The following ARMC8 variants were observed in gnomAD, a reference collection of about 807,000 sequenced individuals.
ARMC8 encodes the protein armadillo repeat containing 8.
A neutral mutation model predicts 99.3 loss-of-function variants in ARMC8; 20 were observed. The observed-to-expected ratio is 0.20, with a 90% confidence interval of 0.14 to 0.29. ARMC8 has a LOEUF of 0.29. Among genes scored for constraint, ARMC8 ranks in the 10% least tolerant of loss-of-function variants. The pLI, the probability that ARMC8 is intolerant of heterozygous loss-of-function variation, is 1.00. For missense variants in ARMC8, 569 were observed against 809.5 expected, an observed-to-expected ratio of 0.70 and a Z score of 3.60; for synonymous variants, 263 against 278.3, an observed-to-expected ratio of 0.95 and a Z score of 0.55.
chr3:138,234,282 T>C (rs376137348), intron 6 of ARMC8, among the ~76,000 whole-genome samples: 2 of 152,114 alleles, frequency 1.3e-5, no homozygotes, highest in South Asian at 2.1e-4. Context: ...TAGCTAATTT[T>C]TGTATTTTTA....
At chr3:138,215,464 C>T (rs1165367106) in intron 2 of ARMC8, among the ~76,000 whole-genome samples, 1 of 152,172 alleles carries the variant, frequency 6.6e-6, no homozygotes, top group Non-Finnish European at 1.5e-5. Context: ...GATCCACCCG[C>T]CTCGGCCTCC....
chr3:138,218,529 C>T (rs761954555), intron 2 of ARMC8, among the ~76,000 whole-genome samples: 15 of 152,160 alleles, frequency 9.9e-5, no homozygotes, highest in Non-Finnish European at 1.5e-4. Context: ...TTTGTCCTCC[C>T]ATCTGCTTAT....
intron 7 of ARMC8, among the ~76,000 whole-genome samples, chr3:138,236,038 C>G (rs550273525): frequency 6.6e-6 from 1 of 152,078 alleles, no homozygotes; most frequent in South Asian, 2.1e-4. Context: ...GATCTCCTGA[C>G]CTTGTGATCC....
chr3:138,269,073 A>C (rs1052274477), intron 15 of ARMC8, among the ~76,000 whole-genome samples: 3 of 152,230 alleles, frequency 2.0e-5, no homozygotes, highest in Non-Finnish European at 4.4e-5. Context: ...TTAGGTACAT[A>C]GTACGAGAGA....
intron 21 of ARMC8, among the ~76,000 whole-genome samples, chr3:138,295,032 G>A (rs1230104986): frequency 6.6e-6 from 1 of 151,914 alleles, no homozygotes; most frequent in Non-Finnish European, 1.5e-5. Flanking sequence ...CGAAGTGGTT[G>A]GGATTACAGG....
chr3:138,195,829 C>A (rs2043698313), intron 1 of ARMC8, among the ~76,000 whole-genome samples: 1 of 151,506 alleles, frequency 6.6e-6, no homozygotes, highest in South Asian at 2.1e-4. Context: ...ACAGAAATAG[C>A]CCCCTGCCCC....
At chr3:138,280,363 G>A (rs1231844367) in intron 18 of ARMC8, among the ~76,000 whole-genome samples, 1 of 151,858 alleles carries the variant, frequency 6.6e-6, no homozygotes, top group Non-Finnish European at 1.5e-5. Context: ...TGTTGCCCAG[G>A]CTGGAGTGCA....
intron 14 of ARMC8, 118 bp from the exon 15 acceptor site, chr3:138,267,037 A>G (rs909372341): frequency 3.3e-6 from 2 of 608,856 alleles, no homozygotes; most frequent in East Asian, 3.0e-5. Flanking sequence ...TATCTCTCCA[A>G]TACGAAGAAT....
At position 138,263,789 on chromosome 3, in the gene ARMC8, G is replaced by C. The variant is rs778113002; in HGVS notation, c.1185G>C (p.Glu395Asp). The C allele has an allele frequency of 2.5e-6, 4 of 1,614,014 alleles. No homozygotes were observed. Among genetic ancestry groups the C allele is most frequent in the Non-Finnish European group, 3.4e-6 (4 of 1,179,864 alleles). Residue 395 changes from glutamate (E) to aspartate (D), a missense_variant, in exon 13 of 22, where the codon GAG (glutamate) becomes GAC (aspartate). Coordinates refer to ENST00000469044, the MANE Select transcript of ARMC8 (RefSeq NM_001363941.2). ...MMDRIVTGLSESSVKVRLAAV... is the reference protein window; with the variant it reads ...MMDRIVTGLSDSSVKVRLAAV... ...ACCGAATTGTGACTGGCTTGTCTGA[G>C]TCTAGTGTCAAGGTGCGGTTAGCTG... is the stretch of plus-strand genomic sequence containing the variant.
At chr3:138,274,399 C>A (rs2049078206) in intron 17 of ARMC8, 50 bp from the exon 18 acceptor site, 1 of 1,243,826 alleles carries the variant, frequency 8.0e-7, no homozygotes, top group Non-Finnish European at 1.2e-6. Context: ...TTGTATTCGT[C>A]CTGTGGTCTT....
intron 1 of ARMC8, among the ~76,000 whole-genome samples, chr3:138,190,605 T>C (rs947968252): frequency 6.6e-6 from 1 of 152,220 alleles, no homozygotes; most frequent in Non-Finnish European, 1.5e-5. Flanking sequence ...CTTTATCTTC[T>C]ACATGAACCT....
intron 12 of ARMC8, among the ~76,000 whole-genome samples, chr3:138,260,719 T>C (rs1488349659): frequency 1.3e-5 from 2 of 152,222 alleles, no homozygotes; most frequent in Non-Finnish European, 2.9e-5. Flanking sequence ...TTGGTAGATT[T>C]ACATCTTTGA....
At chr3:138,198,608 G>A (rs1210317135) in intron 1 of ARMC8, among the ~76,000 whole-genome samples, 2 of 151,964 alleles carry the variant, frequency 1.3e-5, no homozygotes, top group South Asian at 2.1e-4. Flanking sequence ...CGCCTCCCGG[G>A]TTCAAGTGAT....
intron 14 of ARMC8, among the ~76,000 whole-genome samples, chr3:138,264,573 C>G (rs2048085926): frequency 1.3e-5 from 2 of 151,794 alleles, no homozygotes; most frequent in Non-Finnish European, 2.9e-5. Flanking sequence ...GTGCGCACCA[C>G]CACGCCTGGC....
chr3:138,192,240 A>G (rs1489199046), intron 1 of ARMC8, among the ~76,000 whole-genome samples: 1 of 151,438 alleles, frequency 6.6e-6, no homozygotes, highest in Non-Finnish European at 1.5e-5. Context: ...CCTAATGATT[A>G]ATAATGTTGA....
chr3:138,208,239 G>A (rs572165424), intron 1 of ARMC8, among the ~76,000 whole-genome samples: 10 of 152,240 alleles, frequency 6.6e-5, no homozygotes, highest in African/African-American at 1.4e-4. Flanking sequence ...AGGCCAAGGC[G>A]GGCGGATCAC....
In ARMC8 at chr3:138,295,963, T is replaced by C; in HGVS notation, c.*71T>C. On this transcript the variant is annotated 3_prime_UTR_variant, in exon 22 of 22. Coordinates refer to ENST00000469044, the MANE Select transcript of ARMC8 (RefSeq NM_001363941.2). Reference sequence around the variant, plus strand: ...AGGAAGTACAGGAACCAGCCTCATTTGATTCCTTCTATTTGCACAAGTCAC... The same window carrying C: ...AGGAAGTACAGGAACCAGCCTCATTCGATTCCTTCTATTTGCACAAGTCAC... 6.5e-7 allele frequency: 1 copy of C among 1,537,812 alleles called. No homozygotes were observed. Among genetic ancestry groups the C allele is most frequent in the East Asian group, 2.3e-5 (1 of 43,264 alleles).
rs2047309885 is a variant in ARMC8 at position 138,254,994 on chromosome 3, A to ATAC, written c.1135-8744_1135-8742dup. 2.0e-5 allele frequency among the ~76,000 whole-genome samples: 3 copies of ATAC among 152,112 alleles called. No individual in the cohort carries two copies. In the South Asian group the frequency reaches 6.2e-4, roughly 32 times the overall value. On this transcript the variant is annotated intron_variant, in intron 12 of 21. Coordinates refer to ENST00000469044, the MANE Select transcript of ARMC8 (RefSeq NM_001363941.2). The stretch of plus-strand genomic sequence containing the variant: ...TATCTTCTACCCCTAAAGTGAAGTG[A>ATAC]TACAGCTCCAGCTCCCAGGCAGGCA...
intron 12 of ARMC8, among the ~76,000 whole-genome samples, chr3:138,249,146 G>A (rs1232850199): frequency 6.6e-6 from 1 of 152,116 alleles, no homozygotes; most frequent in Non-Finnish European, 1.5e-5. Context: ...CAGACAAATG[G>A]ATGAATGAGC....
Sources: gnomAD v4.1 joint callset for allele counts (sites outside exome capture counted in the v4.1 genomes callset) on GRCh38, gnomAD v4.1.1 for gene constraint, MANE v1.5 for transcripts, NCBI Gene and HGNC (gene_info 2026-07-23, HGNC 2026-07-21) for gene names.